The following EPB41L2 variants were observed in gnomAD, a reference collection of about 807,000 sequenced individuals.
The protein encoded by EPB41L2 is band 4.1-like protein 2.
In EPB41L2, 43 loss-of-function variants were observed where a neutral mutation model predicts 113.0. That is an observed-to-expected ratio of 0.38 (90% confidence interval 0.30 to 0.49). EPB41L2 has a LOEUF of 0.49. Ranked by LOEUF, EPB41L2 falls within the 20% of genes least tolerant of loss-of-function variation. The pLI is 0.95. For missense variants in EPB41L2, 1,147 were observed against 1,223.4 expected, an observed-to-expected ratio of 0.94 and a Z score of 0.93; for synonymous variants, 442 against 436.7, an observed-to-expected ratio of 1.01 and a Z score of -0.15.
chr6:130,905,609 C>T (rs940289282), intron 5 of EPB41L2, among the ~76,000 whole-genome samples: 6 of 151,962 alleles, frequency 3.9e-5, no homozygotes, highest in African/African-American at 7.3e-5. Flanking sequence ...CTTTCAGAGA[C>T]GGGGTCTCCC....
Position 130,960,216 on chromosome 6 carries a change from T to A in EPB41L2, c.-14-3717A>T, listed in dbSNP as rs1056290397. Among the ~76,000 whole-genome samples, 83 of 152,176 alleles carry A rather than the reference T, an allele frequency of 5.5e-4. 3 individuals carry two copies. The highest frequency in any genetic ancestry group is 1.5e-5 in the Non-Finnish European group (1 of 68,034). On this transcript the variant is annotated intron_variant, in intron 1 of 19. Coordinates refer to ENST00000337057, the MANE Select transcript of EPB41L2 (RefSeq NM_001431.4). ...CAATCACAGCTCCATTATGCACGAATGACCTACTCAACCACAGAGTCCTTG... is the reference window on the plus strand; with the variant it reads ...CAATCACAGCTCCATTATGCACGAAAGACCTACTCAACCACAGAGTCCTTG...
chr6:130,933,556 A>G (rs1002155018), intron 3 of EPB41L2, among the ~76,000 whole-genome samples: 1 of 66,342 alleles, frequency 1.5e-5, no homozygotes, highest in Non-Finnish European at 2.7e-5. Context: ...TAGTTTTTTT[A>G]AAAACCTATA....
At chr6:130,965,644 CAAAAAAAA>C (rs35081059) in intron 1 of EPB41L2, among the ~76,000 whole-genome samples, 2 of 127,896 alleles carry the variant, frequency 1.6e-5, no homozygotes, top group African/African-American at 6.1e-5. Context: ...AAACAGTTAT[CAAAAAAAA>C]AAAAAAAAAG....
intron 3 of EPB41L2, among the ~76,000 whole-genome samples, chr6:130,940,928 T>C (rs1163353694): frequency 6.6e-6 from 1 of 152,192 alleles, no homozygotes; most frequent in Non-Finnish European, 1.5e-5. Flanking sequence ...TGTATGTGGA[T>C]ATAAGTGTGT....
chr6:131,049,758 AT>A (rs149388093), intron 1 of EPB41L2, among the ~76,000 whole-genome samples: 2,469 of 152,336 alleles, frequency 0.016, 66 homozygotes, highest in African/African-American at 0.056. Context: ...ATGTTGACAC[AT>A]TTATTGAACT....
At chr6:130,852,489 C>T (rs372116384) in intron 19 of EPB41L2, among the ~76,000 whole-genome samples, 20 of 152,236 alleles carry the variant, frequency 1.3e-4, no homozygotes, top group African/African-American at 4.8e-4. Flanking sequence ...AGTAACGTGG[C>T]CATGACATGC....
intron 12 of EPB41L2, among the ~76,000 whole-genome samples, chr6:130,884,208 G>A (rs377698324): frequency 2.6e-5 from 4 of 151,898 alleles, no homozygotes; most frequent in East Asian, 1.9e-4. Context: ...GGTGGCAGGC[G>A]CCTGTAATCC....
intron 1 of EPB41L2, among the ~76,000 whole-genome samples, chr6:130,979,935 T>G (rs893828744): frequency 5.3e-5 from 8 of 152,058 alleles, no homozygotes; most frequent in South Asian, 2.1e-4. Flanking sequence ...AAACAAGCAG[T>G]AGGATAAATG....
rs755890783 is a variant in EPB41L2, at chr6:130,953,524, C to T, written c.705+1581G>A. Among the ~76,000 whole-genome samples, 18 of 151,666 alleles carry T rather than the reference C, an allele frequency of 1.2e-4. No homozygotes were observed. The East Asian group carries it at 2.1e-3, about 18-fold the overall frequency. ...ACACACTGGGGCCTATCATGGGGTGCGCAGATGGGGGAGGGATAGCATTAG... is the reference window on the plus strand; with the variant it reads ...ACACACTGGGGCCTATCATGGGGTGTGCAGATGGGGGAGGGATAGCATTAG... On this transcript the variant is annotated intron_variant, in intron 3 of 19. Coordinates refer to ENST00000337057, the MANE Select transcript of EPB41L2 (RefSeq NM_001431.4).
intron 8 of EPB41L2, among the ~76,000 whole-genome samples, chr6:130,899,131 A>C (rs977397801): frequency 6.6e-6 from 1 of 152,010 alleles, no homozygotes; most frequent in African/African-American, 2.4e-5. Context: ...TCCTCTCCCA[A>C]GACAGAGGTG....
At position 131,005,068 on chromosome 6, in the gene EPB41L2, G is replaced by A. The variant is rs138075460; in HGVS notation, c.-14-48569C>T. Among the ~76,000 whole-genome samples the A allele has an allele frequency of 4.6e-5, 7 of 152,200 alleles. 1 individual carries two copies. In the East Asian group the frequency reaches 1.3e-3, roughly 29 times the overall value. On this transcript the variant is annotated intron_variant, in intron 1 of 19. Transcript: ENST00000337057. ...GGCAAAGGCAAAAACACACTCAGAC[G>A]TCAATGCTAATATAGATACATTTAA...
intron 19 of EPB41L2, among the ~76,000 whole-genome samples, chr6:130,847,191 C>A (rs1165166476): frequency 6.6e-6 from 1 of 152,156 alleles, no homozygotes; most frequent in Non-Finnish European, 1.5e-5. Context: ...CTCTTTCTTC[C>A]CTCCCCAATC....
chr6:131,013,246 A>AT (rs1447971298), intron 1 of EPB41L2, among the ~76,000 whole-genome samples: 6 of 151,612 alleles, frequency 4.0e-5, no homozygotes, highest in South Asian at 2.1e-4. Flanking sequence ...AAAGAAAAAA[A>AT]AAAATATATA....
rs571921742 is a variant in EPB41L2, at chr6:130,970,095, G to A, written c.-14-13596C>T. 2.6e-5 allele frequency among the ~76,000 whole-genome samples: 4 copies of A among 152,104 alleles called. No homozygotes were observed. The South Asian group carries it at 8.3e-4, about 32-fold the overall frequency. ...TTCAAATATCACAACATATTCCCTT[G>A]CGAAACAGTGTACGTACCCAGATTC... On this transcript the variant is annotated intron_variant, in intron 1 of 19. Coordinates refer to ENST00000337057, the MANE Select transcript of EPB41L2 (RefSeq NM_001431.4).
At chr6:130,921,136 C>T (rs1802740131) in intron 4 of EPB41L2, among the ~76,000 whole-genome samples, 1 of 152,100 alleles carries the variant, frequency 6.6e-6, no homozygotes, top group Admixed American at 6.5e-5. Flanking sequence ...AGTACCACTG[C>T]CCTGGTTTTC....
chr6:130,862,320 T>C (rs1277130491), intron 18 of EPB41L2, among the ~76,000 whole-genome samples: 1 of 152,076 alleles, frequency 6.6e-6, no homozygotes, highest in Admixed American at 6.5e-5. Flanking sequence ...GAAGAAACAA[T>C]GGCTGGGAGA....
intron 3 of EPB41L2, among the ~76,000 whole-genome samples, chr6:130,943,225 C>T (rs781381365): frequency 2.4e-4 from 37 of 152,154 alleles, no homozygotes; most frequent in Non-Finnish European, 3.2e-4. Context: ...AGTGTAAAAG[C>T]GTTCCTATTT....
At chr6:130,947,023 C>CCT (rs796083835) in intron 3 of EPB41L2, among the ~76,000 whole-genome samples, 1 of 142,864 alleles carries the variant, frequency 7.0e-6, no homozygotes, top group Non-Finnish European at 1.5e-5. Context: ...GAAGACCCCC[C>CCT]CCCCAGCCCC....
intron 1 of EPB41L2, among the ~76,000 whole-genome samples, chr6:131,019,903 T>C (rs890873385): frequency 4.6e-5 from 7 of 152,152 alleles, no homozygotes; most frequent in Non-Finnish European, 7.4e-5. Flanking sequence ...TTCTATTTTC[T>C]GGAACAGTGT....
Sources: gnomAD v4.1 joint callset for allele counts (sites outside exome capture counted in the v4.1 genomes callset) on GRCh38, gnomAD v4.1.1 for gene constraint, MANE v1.5 for transcripts, NCBI Gene and HGNC (gene_info 2026-07-23, HGNC 2026-07-21) for gene names.